GPX6: variants seen among roughly 807,000 people sequenced by gnomAD.
GPX6 encodes glutathione peroxidase 6, also known as glutathione peroxidase 6 (olfactory).
Under a neutral mutation model 20.0 loss-of-function variants are expected in GPX6, and 21 were observed. That is an observed-to-expected ratio of 1.05 (90% confidence interval 0.74 to 1.51). The LOEUF (loss-of-function observed/expected upper bound fraction) is 1.51, where lower values mean the gene tolerates loss of function less well. Ranked by LOEUF, GPX6 falls within the 40% of genes most tolerant of loss-of-function variation. The pLI is 0.00. For synonymous variants in GPX6, 75 were observed against 98.0 expected, an observed-to-expected ratio of 0.77 and a Z score of 1.38; for missense variants, 233 against 254.7, an observed-to-expected ratio of 0.91 and a Z score of 0.58.
intron 2 of GPX6, among the ~76,000 whole-genome samples, chr6:28,507,934 A>T (rs1762822587): frequency 6.6e-6 from 1 of 152,336 alleles, no homozygotes; most frequent in Non-Finnish European, 1.5e-5. Flanking sequence ...AATGTGCATA[A>T]TCATTTCTGT....
At chr6:28,506,167 A>T (rs961393314) in intron 3 of GPX6, 145 bp downstream of exon 3, 21 of 656,290 alleles carry the variant, frequency 3.2e-5, no homozygotes, top group Non-Finnish European at 5.2e-5. Flanking sequence ...AATAGAATAG[A>T]TTGAATTCAA....
At chr6:28,513,207 C>T (rs973645149) in intron 1 of GPX6, among the ~76,000 whole-genome samples, 1 of 152,168 alleles carries the variant, frequency 6.6e-6, no homozygotes, top group Non-Finnish European at 1.5e-5. Context: ...CGATTCTTCT[C>T]GTAAACCAAG....
chr6:28,511,129 T>C (rs2113602759), intron 1 of GPX6, among the ~76,000 whole-genome samples: 1 of 152,258 alleles, frequency 6.6e-6, no homozygotes, highest in Middle Eastern at 3.4e-3. Context: ...AGACAAGCAT[T>C]TCATAATATT....
chr6:28,505,565 C>G, intron 4 of GPX6, 138 bp downstream of exon 4: 1 of 637,606 alleles, frequency 1.6e-6, no homozygotes, highest in Admixed American at 2.5e-5. Flanking sequence ...TAAAGCATCA[C>G]AGCAGATATT....
At chr6:28,511,725 C>T (rs1465810739) in intron 1 of GPX6, among the ~76,000 whole-genome samples, 1 of 152,272 alleles carries the variant, frequency 6.6e-6, no homozygotes, top group South Asian at 2.1e-4. Context: ...TCGGCCTTGG[C>T]GCCCACTCTG....
At chr6:28,506,986 T>C (rs1293834049) in intron 2 of GPX6, among the ~76,000 whole-genome samples, 3 of 152,004 alleles carry the variant, frequency 2.0e-5, no homozygotes, top group Non-Finnish European at 2.9e-5. Flanking sequence ...CTGGGAGTGG[T>C]AGAGAAAGAG....
chr6:28,507,833 T>C (rs1286570319), intron 2 of GPX6, among the ~76,000 whole-genome samples: 4 of 151,904 alleles, frequency 2.6e-5, no homozygotes, highest in Admixed American at 1.3e-4. Flanking sequence ...TCTCCCAAAG[T>C]GCTGGGATTA....
intron 1 of GPX6, among the ~76,000 whole-genome samples, chr6:28,512,219 C>G (rs1043604459): frequency 9.8e-5 from 15 of 152,372 alleles, no homozygotes; most frequent in Non-Finnish European, 2.1e-4. Context: ...GGCCGTGGTG[C>G]GGCATCCACT....
At chr6:28,504,863 A>G (rs1762793301) in intron 4 of GPX6, among the ~76,000 whole-genome samples, 1 of 152,202 alleles carries the variant, frequency 6.6e-6, no homozygotes, top group Non-Finnish European at 1.5e-5. Flanking sequence ...AAAGAGATTG[A>G]TTTAGAGTAG....
At chr6:28,506,232 C>T in intron 3 of GPX6, 80 bp downstream of exon 3, 1 of 855,762 alleles carries the variant, frequency 1.2e-6, no homozygotes, top group Non-Finnish European at 2.0e-6. Flanking sequence ...CCAGAAGTTT[C>T]CAGAATAGGC....
Position 28,513,886 on chromosome 6 carries a change from C to T in GPX6, c.87+1771G>A, listed in dbSNP as rs148656136. Among the ~76,000 whole-genome samples the T allele has an allele frequency of 2.8e-4, 43 of 152,320 alleles. No individual in the cohort carries two copies. In the East Asian group the frequency reaches 7.5e-3, roughly 27 times the overall value. On this transcript the variant is annotated intron_variant, in intron 1 of 4. Coordinates refer to ENST00000361902, the MANE Select transcript of GPX6 (RefSeq NM_182701.1). ...TCATCTTCTGAGTCTGTTACCACGA[C>T]ACAAGGCCACAGCTTCTCCTTCATT...
rs557012908 is a variant in GPX6 at position 28,503,737 on chromosome 6, T to A, written c.*555A>T. ...TTCAGAGGTCCTACATGAGAACTAC[T>A]GGGTGGCAGGGGAATAAAGGAGAAT... On this transcript the variant is annotated 3_prime_UTR_variant, in exon 5 of 5. Coordinates refer to ENST00000361902, the MANE Select transcript of GPX6 (RefSeq NM_182701.1). 6.5e-6 allele frequency: 1 copy of A among 153,308 alleles called. No homozygotes were observed. The highest frequency in any genetic ancestry group is 2.4e-5 in the African/African-American group (1 of 41,546). 9.5% of individuals were successfully genotyped at this position (153,308 alleles called of 1,614,324 possible).
intron 2 of GPX6, among the ~76,000 whole-genome samples, chr6:28,506,801 C>G (rs1762811043): frequency 6.6e-6 from 1 of 151,798 alleles, no homozygotes; most frequent in Non-Finnish European, 1.5e-5. Context: ...ATGCCACTGT[C>G]TTCCTTAGTT....
Position 28,505,781 on chromosome 6 carries a change from G to A in GPX6, c.381C>T (p.Gly127=). Residue 127 remains glycine (G), a synonymous_variant, in exon 4 of 5, where the codon GGC becomes GGT. Coordinates refer to ENST00000361902, the MANE Select transcript of GPX6 (RefSeq NM_182701.1). ...LGLKYVCPGS[G]FVPSFQLFEK... ...CAAAGAGCTGGAAACTGGGGACAAA[G>A]CCACTACCTGGACACACATACCTGC... 6.2e-7 allele frequency: 1 copy of A among 1,613,934 alleles called. No homozygotes were observed. Among genetic ancestry groups the A allele is most frequent in the Non-Finnish European group, 8.5e-7 (1 of 1,179,810 alleles).
At chr6:28,514,816 G>T (rs1372120092) in intron 1 of GPX6, among the ~76,000 whole-genome samples, 1 of 152,218 alleles carries the variant, frequency 6.6e-6, no homozygotes, top group Non-Finnish European at 1.5e-5. Context: ...ACTAACAAAA[G>T]ATATATAATT....
At chr6:28,506,800 T>C in intron 2 of GPX6, among the ~76,000 whole-genome samples, 1 of 151,970 alleles carries the variant, frequency 6.6e-6, no homozygotes, top group East Asian at 1.9e-4. Flanking sequence ...AATGCCACTG[T>C]CTTCCTTAGT....
At chr6:28,506,205 T>C in intron 3 of GPX6, 107 bp downstream of exon 3, 1 of 744,248 alleles carries the variant, frequency 1.3e-6, no homozygotes, top group Non-Finnish European at 2.5e-6. Flanking sequence ...CTTCAACCCA[T>C]GTATCTATGG....
chr6:28,515,566 A>G, intron 1 of GPX6, 91 bp downstream of exon 1: 1 of 904,630 alleles, frequency 1.1e-6, no homozygotes, highest in East Asian at 2.5e-5. Flanking sequence ...TTGTCCTTCG[A>G]AAGGGGAGAG....
intron 1 of GPX6, among the ~76,000 whole-genome samples, chr6:28,513,355 A>C (rs910352011): frequency 6.6e-6 from 1 of 152,162 alleles, no homozygotes; most frequent in Non-Finnish European, 1.5e-5. Context: ...AGTTGTAAAC[A>C]TTCACTCCTA....
Sources: allele counts gnomAD v4.1 joint callset (sites outside exome capture counted in the v4.1 genomes callset), GRCh38; gene constraint gnomAD v4.1.1; transcripts MANE v1.5; gene names NCBI Gene and HGNC (gene_info 2026-07-23, HGNC 2026-07-21).